GABRB1: variants seen among roughly 807,000 people sequenced by gnomAD.
The protein encoded by GABRB1 is gamma-aminobutyric acid type A receptor subunit beta1.
Under a neutral mutation model 51.6 loss-of-function variants are expected in GABRB1, and 17 were observed. The observed-to-expected ratio is 0.33, with a 90% CI of 0.23 to 0.49. The LOEUF is 0.49. Among genes scored for constraint, GABRB1 ranks in the 20% least tolerant of loss-of-function variants. GABRB1 has a pLI of 0.99. For missense variants in GABRB1, 410 were observed against 600.6 expected (o/e 0.68, Z 3.32); for synonymous variants, 247 against 218.9 (o/e 1.13, Z -1.14).
chr4:47,170,775 T>G (rs1002446591), intron 4 of GABRB1, among the ~76,000 whole-genome samples: 1 of 152,126 alleles, frequency 6.6e-6, no homozygotes, highest in Non-Finnish European at 1.5e-5. Context: ...ACATAAAGAA[T>G]AGGTAACTCA....
intron 5 of GABRB1, among the ~76,000 whole-genome samples, chr4:47,398,940 G>T (rs142827924): frequency 6.6e-6 from 1 of 152,124 alleles, no homozygotes; most frequent in Non-Finnish European, 1.5e-5. Flanking sequence ...ATAGGGGCCC[G>T]CCACCACGTC....
intron 4 of GABRB1, among the ~76,000 whole-genome samples, chr4:47,242,220 C>T (rs1337298544): frequency 1.3e-5 from 2 of 152,302 alleles, no homozygotes; most frequent in South Asian, 2.1e-4. Context: ...ATGAACTCAT[C>T]CTTTCTTATG....
At chr4:47,104,390 ATTAC>A (rs1338645247) in intron 3 of GABRB1, among the ~76,000 whole-genome samples, 2 of 151,564 alleles carry the variant, frequency 1.3e-5, no homozygotes, top group African/African-American at 4.8e-5. Context: ...TTTTGTATTT[ATTAC>A]TTATTTCTTC....
At chr4:47,168,547 T>G (rs1468710413) in intron 4 of GABRB1, among the ~76,000 whole-genome samples, 1 of 152,134 alleles carries the variant, frequency 6.6e-6, no homozygotes, top group Non-Finnish European at 1.5e-5. Context: ...CAGATTTAGA[T>G]TACCTGCTTT....
intron 4 of GABRB1, among the ~76,000 whole-genome samples, chr4:47,211,399 T>C (rs970824424): frequency 1.3e-5 from 2 of 152,204 alleles, no homozygotes; most frequent in African/African-American, 4.8e-5. Context: ...TATTAGGTAT[T>C]ATTAGTTATA....
rs189307513 is a variant in GABRB1, at chr4:47,214,081, C to A, written c.461+52612C>A. On this transcript the variant is annotated intron_variant, in intron 4 of 8. Coordinates refer to ENST00000295454, the MANE Select transcript of GABRB1 (RefSeq NM_000812.4). ...TTTAAATGGATGAAACGCTAGTGTG[C>A]CTGTTACTGACAGATGAGAGTAGAA... Among the ~76,000 whole-genome samples, 14 of 152,210 alleles carry A rather than the reference C, an allele frequency of 9.2e-5. 2 individuals are homozygous for A. The highest frequency in any genetic ancestry group is 6.8e-3 in the Middle Eastern group (2 of 294).
At chr4:47,183,313 A>G (rs865954143) in intron 4 of GABRB1, among the ~76,000 whole-genome samples, 4 of 144,162 alleles carry the variant, frequency 2.8e-5, no homozygotes, top group African/African-American at 1.0e-4. Context: ...ATATGAACTG[A>G]TTATATAACA....
intron 4 of GABRB1, among the ~76,000 whole-genome samples, chr4:47,180,094 G>C (rs1359396335): frequency 6.6e-6 from 1 of 151,826 alleles, no homozygotes; most frequent in African/African-American, 2.4e-5. Context: ...ACACAAAATA[G>C]TAGCACAGCA....
chr4:47,059,299 T>A (rs1023358660), intron 3 of GABRB1, among the ~76,000 whole-genome samples: 3 of 152,216 alleles, frequency 2.0e-5, no homozygotes, highest in African/African-American at 7.2e-5. Context: ...ATCTGATTTC[T>A]TATGGTATAA....
At chr4:47,317,378 G>A (rs942682961) in intron 4 of GABRB1, among the ~76,000 whole-genome samples, 1 of 151,938 alleles carries the variant, frequency 6.6e-6, no homozygotes, top group Admixed American at 6.6e-5. Context: ...TATGGTAAAA[G>A]AGTATAGCAG....
upstream of GABRB1, among the ~76,000 whole-genome samples, chr4:47,029,369 A>C (rs1418113744): frequency 6.6e-6 from 1 of 151,896 alleles, no homozygotes; most frequent in Non-Finnish European, 1.5e-5. Context: ...AATAGTGTAC[A>C]ATTCCTTTAA....
At chr4:47,320,642 A>G (rs1197134372) in intron 5 of GABRB1, among the ~76,000 whole-genome samples, 2 of 152,228 alleles carry the variant, frequency 1.3e-5, no homozygotes, top group Admixed American at 6.5e-5. Flanking sequence ...ATGAAAAGAA[A>G]AAGATGATAA....
At chr4:47,299,738 G>A (rs13112584) in intron 4 of GABRB1, among the ~76,000 whole-genome samples, 1 of 152,076 alleles carries the variant, frequency 6.6e-6, no homozygotes, top group East Asian at 1.9e-4. Context: ...TCCCATTACT[G>A]GGTATATACC....
intron 3 of GABRB1, among the ~76,000 whole-genome samples, chr4:47,148,843 C>T (rs1274362182): frequency 6.6e-6 from 1 of 151,694 alleles, no homozygotes; most frequent in East Asian, 1.9e-4. Flanking sequence ...GAAAATCTAC[C>T]CACGAACTGA....
intron 4 of GABRB1, among the ~76,000 whole-genome samples, chr4:47,315,232 T>C (rs1724841316): frequency 6.6e-6 from 1 of 151,782 alleles, no homozygotes; most frequent in Admixed American, 6.6e-5. Flanking sequence ...GCAAAGAACA[T>C]GAACACCTTT....
chr4:47,363,032 G>C (rs919682731), intron 5 of GABRB1, among the ~76,000 whole-genome samples: 1 of 152,060 alleles, frequency 6.6e-6, no homozygotes, highest in Non-Finnish European at 1.5e-5. Context: ...GTGTGTGTGT[G>C]TGTGTGTGTG....
chr4:47,150,083 C>G (rs1717358197), intron 3 of GABRB1, among the ~76,000 whole-genome samples: 1 of 151,718 alleles, frequency 6.6e-6, no homozygotes, highest in African/African-American at 2.4e-5. Flanking sequence ...ATTTTATTTA[C>G]TTTAGCAAAT....
intron 5 of GABRB1, among the ~76,000 whole-genome samples, chr4:47,400,537 T>TCTCTCTCTCTCC (rs1728340534): frequency 6.8e-6 from 1 of 146,982 alleles, no homozygotes; most frequent in African/African-American, 2.5e-5. Context: ...TCTCTCTCTC[T>TCTCTCTCTCTCC]CTCTCTCTCT....
At chr4:47,084,094 T>C (rs147156131) in intron 3 of GABRB1, among the ~76,000 whole-genome samples, 1 of 152,330 alleles carries the variant, frequency 6.6e-6, no homozygotes, top group Admixed American at 6.5e-5. Flanking sequence ...GAGTAAGTCA[T>C]CAATATGAAT....
Sources: gnomAD v4.1 joint callset for allele counts (sites outside exome capture counted in the v4.1 genomes callset) on GRCh38, gnomAD v4.1.1 for gene constraint, MANE v1.5 for transcripts, NCBI Gene and HGNC (gene_info 2026-07-23, HGNC 2026-07-21) for gene names.